The following CRAT variants were observed in gnomAD, a reference collection of about 807,000 sequenced individuals.
The protein encoded by CRAT is carnitine acetylase.
In CRAT, 66 loss-of-function variants were observed where a neutral mutation model predicts 73.7. That is an observed-to-expected ratio of 0.90 (90% CI 0.73 to 1.10). CRAT has a LOEUF of 1.10. Ranked by LOEUF, CRAT falls within the 50% of genes least tolerant of loss-of-function variation. CRAT has a pLI of 0.00. For missense variants in CRAT, 745 were observed against 846.9 expected (o/e 0.88, Z 1.49); for synonymous variants, 321 against 343.2 (o/e 0.94, Z 0.71).
In CRAT at chr9:129,102,552, C is replaced by T. The variant is rs143158365; in HGVS notation, c.478G>A (p.Val160Met). ...KVMIDNETLP[V>M]EYLGGKPLCM... ...AGTGGCTTCCCCCCCAGGTACTCCA[C>T]GGGCAGGGTCTCGCTATGGGGTAGA... Residue 160 changes from valine (V) to methionine (M), a missense_variant, in exon 5 of 14, where the codon GTG becomes ATG. Transcript: ENST00000318080. The T allele has an allele frequency of 4.5e-5, 73 of 1,614,022 alleles. No individual in the cohort carries two copies. The highest frequency in any genetic ancestry group is 6.7e-5 in the African/African-American group (5 of 75,014).
intron 3 of CRAT, 30 bp downstream of exon 3, chr9:129,104,158 C>T: frequency 6.5e-7 from 1 of 1,549,996 alleles, no homozygotes; most frequent in Non-Finnish European, 8.8e-7. Flanking sequence ...GGCCCGGCTG[C>T]CTCCTGGCCC....
At chr9:129,097,951 CTGAG>C (rs1228286332) in intron 11 of CRAT, 58 bp downstream of exon 11, 4 of 1,585,424 alleles carry the variant, frequency 2.5e-6, no homozygotes, top group Admixed American at 1.7e-5. Context: ...TGTGTGTTGA[CTGAG>C]TGAGCAGGAG....
chr9:129,109,079 G>A, intron 1 of CRAT: 1 of 1,277,280 alleles, frequency 7.8e-7, no homozygotes, highest in Non-Finnish European at 1.0e-6. Flanking sequence ...GGGCTAGTGG[G>A]GGGGCATTCC....
chr9:129,095,497 C>T lies in CRAT; in HGVS notation c.1781G>A (p.Ser594Asn), dbSNP rs1349600232. The change falls in exon 14 of 14, where the codon AGC (serine) becomes AAC (asparagine). Residue 594 changes from serine (S) to asparagine (N), a missense_variant. By Grantham distance (46) the Ser-to-Asn change is conservative. Coordinates refer to ENST00000318080, the MANE Select transcript of CRAT (RefSeq NM_000755.5). ...HINFSLSAYN[S>N]CAETNAARLA... is the part of the protein sequence containing the mutation. Reference sequence around the variant, plus strand: ...GCGGGCGGCGTTGGTCTCCGCGCAGCTGTTGTAGGCCGACAGGGAGAAGTT... The same window carrying T: ...GCGGGCGGCGTTGGTCTCCGCGCAGTTGTTGTAGGCCGACAGGGAGAAGTT... 1 of 1,613,534 alleles carries T rather than the reference C, an allele frequency of 6.2e-7. No homozygotes were observed. Among genetic ancestry groups the T allele is most frequent in the South Asian group, 1.1e-5 (1 of 91,090 alleles).
In CRAT at chr9:129,105,504, T is replaced by C. The variant is rs543525515; in HGVS notation, c.292-1198A>G. ...CCTGGCTCATTTTTGTATTTTTTGCTGCAGACAGGTTTTCACCATGTTGGC... is the reference window on the plus strand; with the variant it reads ...CCTGGCTCATTTTTGTATTTTTTGCCGCAGACAGGTTTTCACCATGTTGGC... On this transcript the variant is annotated intron_variant, in intron 2 of 13. Coordinates refer to ENST00000318080, the MANE Select transcript of CRAT (RefSeq NM_000755.5). Among the ~76,000 whole-genome samples the C allele has an allele frequency of 2.0e-5, 3 of 152,210 alleles. No homozygotes were observed. The East Asian group carries it at 5.8e-4, about 30-fold the overall frequency.
chr9:129,104,753 A>C (rs4080490), intron 2 of CRAT, among the ~76,000 whole-genome samples: 132,545 of 149,464 alleles, frequency 0.89, 60,697 homozygotes, highest in Non-Finnish European at 1. Flanking sequence ...TACAGGCGCC[A>C]GCCACCACAC....
In CRAT at chr9:129,110,675, C is replaced by T. The variant is rs551915406; in HGVS notation, c.-166G>A. On this transcript the variant is annotated 5_prime_UTR_variant, in exon 1 of 14. Coordinates refer to ENST00000318080, the MANE Select transcript of CRAT (RefSeq NM_000755.5). This position sits in a 1 kb window ranked among gnomAD's most constrained non-coding sequence, Gnocchi z 5.3. ...GTAGAGGCAGCCCCGCGCCCACCCT[C>T]TGGGCCGAGCGGGCTGCGGGAAGGC... 7.6e-5 allele frequency: 67 copies of T among 878,872 alleles called. No individual in the cohort carries two copies. Among genetic ancestry groups the T allele is most frequent in the Middle Eastern group, 7.3e-4 (2 of 2,758 alleles). 54.4% of individuals were successfully genotyped at this position (878,872 alleles called of 1,614,324 possible).
At position 129,099,961 on chromosome 9, in the gene CRAT, G is replaced by A. The variant is rs868571573; in HGVS notation, c.990C>T (p.Ile330=). The part of the protein sequence containing the change: ...NRWFDKTLQF[I]VAEDGSCGLV... ...GCCCACAGGAGCCATCTTCTGCCAC[G>A]ATGAACTGTGGAAGGGAAGGGAGAC... Residue 330 remains isoleucine, a synonymous_variant, in exon 8 of 14, where the codon ATC becomes ATT. Coordinates refer to ENST00000318080, the MANE Select transcript of CRAT (RefSeq NM_000755.5). 3.7e-6 allele frequency: 6 copies of A among 1,612,964 alleles called. No individual in the cohort carries two copies. In the East Asian group the frequency reaches 6.7e-5, roughly 18 times the overall value.
rs1057464729 is a variant in CRAT, at chr9:129,106,035, C to T, written c.292-1729G>A. The stretch of plus-strand genomic sequence containing the variant: ...TCCACCCCCAGAGACCTGGGCCCAC[C>T]TGCGCCCCCTCAACCCGTGGTGAAC... On this transcript the variant is annotated intron_variant, in intron 2 of 13. Transcript: ENST00000318080. The surrounding 1 kb of genome is among the most constrained non-coding windows in gnomAD (Gnocchi z 4.0). 2.6e-5 allele frequency among the ~76,000 whole-genome samples: 4 copies of T among 152,164 alleles called. No homozygotes were observed. The highest frequency in any genetic ancestry group is 9.7e-5 in the African/African-American group (4 of 41,418).
intron 8 of CRAT, among the ~76,000 whole-genome samples, chr9:129,099,426 A>ATT (rs55884891): frequency 1.6e-5 from 2 of 121,306 alleles, no homozygotes; most frequent in East Asian, 2.5e-4. Context: ...ACCTGGCCTA[A>ATT]TTTTTTTTTT....
Position 129,099,879 on chromosome 9 carries a change from C to T in CRAT, c.1072G>A (p.Val358Ile). Reference protein sequence around the residue: ...GPPIVTLLDYVIEYTKKPELV... With the variant: ...GPPIVTLLDYIIEYTKKPELV... ...GACTGTACTCACGTGTACTCGATGA[C>T]ATAGTCCAGAAGGGTGACAATAGGG... is the stretch of plus-strand genomic sequence containing the variant. Residue 358 changes from valine (V) to isoleucine (I), a missense_variant, in exon 8 of 14, where the codon GTC becomes ATC. Transcript: ENST00000318080. 6.2e-7 allele frequency: 1 copy of T among 1,613,438 alleles called. No individual in the cohort carries two copies. Among genetic ancestry groups the T allele is most frequent in the Non-Finnish European group, 8.5e-7 (1 of 1,179,662 alleles).
intron 13 of CRAT, 130 bp downstream of exon 13, chr9:129,095,868 C>A: frequency 7.4e-7 from 1 of 1,345,276 alleles, no homozygotes; most frequent in South Asian, 1.3e-5. Context: ...GCAGAGAGGC[C>A]CCTGCCCCCA....
chr9:129,104,159 C>A (rs775723796), intron 3 of CRAT, 29 bp downstream of exon 3: 11 of 1,553,400 alleles, frequency 7.1e-6, no homozygotes, highest in Non-Finnish European at 9.7e-6. Flanking sequence ...GCCCGGCTGC[C>A]TCCTGGCCCC....
At chr9:129,098,840 G>A (rs1847470383) in intron 8 of CRAT, among the ~76,000 whole-genome samples, 190 bp from the exon 9 acceptor site, 1 of 141,496 alleles carries the variant, frequency 7.1e-6, no homozygotes, top group African/African-American at 2.7e-5. Context: ...TTTAGATGGA[G>A]TCTTGCTCTG....
chr9:129,095,977 G>A (rs1212436928), intron 13 of CRAT, 21 bp downstream of exon 13: 1 of 1,613,610 alleles, frequency 6.2e-7, no homozygotes, highest in African/African-American at 1.3e-5. Flanking sequence ...AGCCCCCGGG[G>A]CACCTGGGGC....
chr9:129,107,725 C>T lies in CRAT; in HGVS notation c.291+89G>A. On this transcript the variant is annotated intron_variant, in intron 2 of 13. Coordinates refer to ENST00000318080, the MANE Select transcript of CRAT (RefSeq NM_000755.5). This position sits in a 1 kb window ranked among gnomAD's most constrained non-coding sequence, Gnocchi z 5.0. ...TATGTGCTCACGAAACTCTGGGCAG[C>T]AAACGAACGGCCGTGCCAGAGCAGT... The T allele has an allele frequency of 6.3e-7, 1 of 1,593,450 alleles. No individual in the cohort carries two copies. The highest frequency in any genetic ancestry group is 8.6e-7 in the Non-Finnish European group (1 of 1,166,150).
chr9:129,109,273 C>T (rs1198892108), intron 1 of CRAT: 28 of 1,304,018 alleles, frequency 2.1e-5, no homozygotes, highest in South Asian at 4.9e-5. Flanking sequence ...GCCCTGGGAT[C>T]GGTCCTGAAA....
chr9:129,096,300 C>T lies in CRAT; in HGVS notation c.1528-165G>A, dbSNP rs537442878. 11 of 943,284 alleles carry T rather than the reference C, an allele frequency of 1.2e-5. No homozygotes were observed. In the South Asian group the frequency reaches 1.6e-4, roughly 14 times the overall value. 58.4% of individuals were successfully genotyped at this position (943,284 alleles called of 1,614,324 possible). ...AGCCTTCGTTTCACAGATGGGGAAACCAAGGCTCAGGGAGGGGCGGGGATT... is the reference window on the plus strand; with the variant it reads ...AGCCTTCGTTTCACAGATGGGGAAATCAAGGCTCAGGGAGGGGCGGGGATT... On this transcript the variant is annotated intron_variant, in intron 12 of 13. Coordinates refer to ENST00000318080, the MANE Select transcript of CRAT (RefSeq NM_000755.5).
chr9:129,104,846 C>T (rs1310373137), intron 2 of CRAT, among the ~76,000 whole-genome samples: 6 of 149,836 alleles, frequency 4.0e-5, no homozygotes, highest in Admixed American at 2.0e-4. Context: ...CCTCATGATC[C>T]GCCCGCCTTG....
Sources: allele counts gnomAD v4.1 joint callset (sites outside exome capture counted in the v4.1 genomes callset), GRCh38; gene constraint gnomAD v4.1.1; non-coding constraint Gnocchi (gnomAD v3.1); transcripts MANE v1.5; gene names NCBI Gene and HGNC (gene_info 2026-07-23, HGNC 2026-07-21).